MLXIPL: variants seen among roughly 807,000 people sequenced by gnomAD.
The protein encoded by MLXIPL is MLX interacting protein like.
MLXIPL carries 49 observed loss-of-function variants against 81.5 expected under a neutral mutation model. The ratio of observed to expected loss-of-function variants is 0.60; its 90% confidence interval spans 0.48 to 0.76. MLXIPL has a LOEUF of 0.76. Ranked by LOEUF, MLXIPL falls within the 30% of genes least tolerant of loss-of-function variation. The pLI is 0.00. For missense variants in MLXIPL, 1,053 were observed against 1,167.0 expected (o/e 0.90, Z 1.42); for synonymous variants, 466 against 485.5 (o/e 0.96, Z 0.53).
intron 2 of MLXIPL, among the ~76,000 whole-genome samples, chr7:73,613,244 C>T (rs1795810775): frequency 6.6e-6 from 1 of 152,160 alleles, no homozygotes; most frequent in Non-Finnish European, 1.5e-5. Context: ...GTGTCACGTG[C>T]TGCTATGACT....
At chr7:73,629,328 C>A (rs541717472), upstream of MLXIPL, among the ~76,000 whole-genome samples, 1 of 152,180 alleles carries the variant, frequency 6.6e-6, no homozygotes, top group Non-Finnish European at 1.5e-5. Flanking sequence ...GAGTGAGGCA[C>A]CGTGCCTGGC....
At position 73,624,257 on chromosome 7, in the gene MLXIPL, G is replaced by A; in HGVS notation, c.236C>T (p.Pro79Leu). The A allele has an allele frequency of 1.3e-6, 2 of 1,595,776 alleles. No homozygotes were observed. The highest frequency in any genetic ancestry group is 2.3e-5 in the East Asian group (1 of 44,008). ...EGSVGPSDFG[P>L]RSIDPTLTRL... ...TGTGAGTGTGGGGTCGATACTGCGC[G>A]GCCCGAAGTCGGAGGGCCCCACGGA... is the stretch of plus-strand genomic sequence containing the variant. Residue 79 changes from proline to leucine, a missense_variant, in exon 1 of 17, where the codon CCG becomes CTG. Pro to Leu is a moderately conservative substitution (Grantham distance 98, BLOSUM62 -3). This residue lies in a region of MLXIPL where 226 missense variants were observed against 216.2 expected (regional missense o/e 1.05). Coordinates refer to ENST00000313375, the MANE Select transcript of MLXIPL (RefSeq NM_032951.3).
chr7:73,643,973 T>C, the MLXIPL span, among the ~76,000 whole-genome samples: 1 of 152,018 alleles, frequency 6.6e-6, no homozygotes, highest in Non-Finnish European at 1.5e-5. Context: ...TCTCACTATG[T>C]TGCCCAGGCT....
intron 8 of MLXIPL, among the ~76,000 whole-genome samples, chr7:73,598,738 C>A (rs1224404278): frequency 6.6e-6 from 1 of 152,018 alleles, no homozygotes; most frequent in Non-Finnish European, 1.5e-5. Flanking sequence ...GGAGAGACAC[C>A]CCTCAGCAAC....
At chr7:73,595,376 C>T (rs531758457) in intron 15 of MLXIPL, among the ~76,000 whole-genome samples, 1 of 152,282 alleles carries the variant, frequency 6.6e-6, no homozygotes, top group Non-Finnish European at 1.5e-5. Context: ...CTCGGGGCTT[C>T]CTGAGGTCAG....
chr7:73,597,759 T>C, intron 8 of MLXIPL, 46 bp from the exon 9 acceptor site: 1 of 1,294,728 alleles, frequency 7.7e-7, no homozygotes, highest in Non-Finnish European at 9.8e-7. Flanking sequence ...GGGAGAGAGC[T>C]GCCCCTGGCA....
At chr7:73,597,094 C>T in intron 9 of MLXIPL, 88 bp downstream of exon 9, 8 of 1,479,750 alleles carry the variant, frequency 5.4e-6, no homozygotes, top group Non-Finnish European at 6.4e-6. Flanking sequence ...TGCCCCTTCA[C>T]CTTCATCTTC....
the MLXIPL span, among the ~76,000 whole-genome samples, chr7:73,637,838 C>T: frequency 3.3e-5 from 5 of 152,140 alleles, no homozygotes; most frequent in Non-Finnish European, 5.9e-5. Flanking sequence ...GGTGAGAGGT[C>T]GGGTCCGGGG....
chr7:73,595,345 T>C (rs1431349774), intron 15 of MLXIPL, among the ~76,000 whole-genome samples: 1 of 151,842 alleles, frequency 6.6e-6, no homozygotes, highest in African/African-American at 2.4e-5. Flanking sequence ...CACTCCAGAG[T>C]TCAGATTCTC....
At chr7:73,607,129 A>T (rs1399657671) in intron 4 of MLXIPL, 111 bp from the exon 5 acceptor site, 2 of 1,433,546 alleles carry the variant, frequency 1.4e-6, no homozygotes, top group Admixed American at 2.0e-5. Context: ...TCCCATCAGG[A>T]GCTCACCCGA....
chr7:73,595,988 G>C lies in MLXIPL; in HGVS notation c.2059-19C>G, dbSNP rs374433424. On this transcript the variant is annotated intron_variant, in intron 13 of 16. Transcript: ENST00000313375. ...TGCTCACCTGCAGACGCCACCAGGG[G>C]GGCTCAGGCAGGTGCTAGAGGCTGT... 1 of 1,611,838 alleles carries C rather than the reference G, an allele frequency of 6.2e-7. No individual in the cohort carries two copies. Among genetic ancestry groups the C allele is most frequent in the African/African-American group, 1.3e-5 (1 of 75,024 alleles).
the MLXIPL span, among the ~76,000 whole-genome samples, chr7:73,634,887 C>T: frequency 2.7e-5 from 4 of 150,728 alleles, no homozygotes; most frequent in East Asian, 5.8e-4. Flanking sequence ...GGGATCTTGG[C>T]TCACTGCAAC....
At chr7:73,605,239 A>C (rs1554597533) in intron 7 of MLXIPL, among the ~76,000 whole-genome samples, 1 of 151,964 alleles carries the variant, frequency 6.6e-6, no homozygotes, top group African/African-American at 2.4e-5. Context: ...AGCTGGACAA[A>C]AGGAGACCAG....
the MLXIPL span, among the ~76,000 whole-genome samples, chr7:73,646,303 G>GCTTCCAGTCCACT: frequency 6.6e-6 from 1 of 152,076 alleles, no homozygotes; most frequent in Non-Finnish European, 1.5e-5. Context: ...CCACTTCCAC[G>GCTTCCAGTCCACT]CTTCCAGTCC....
chr7:73,631,176 T>C, the MLXIPL span, among the ~76,000 whole-genome samples: 1 of 151,698 alleles, frequency 6.6e-6, no homozygotes, highest in African/African-American at 2.4e-5. Context: ...GCCCAGCTAA[T>C]TTTTTTTGTA....
Position 73,600,114 on chromosome 7 carries a change from T to C in MLXIPL, c.902-419A>G, listed in dbSNP as rs1197277883. ...GGGTACGGTGCTAGGGGAGGAGGCC[T>C]GGCATGGGAGGGGCCCCAGGGTGGC... On this transcript the variant is annotated intron_variant, in intron 7 of 16. Coordinates refer to ENST00000313375, the MANE Select transcript of MLXIPL (RefSeq NM_032951.3). Among the ~76,000 whole-genome samples, 3 of 151,302 alleles carry C rather than the reference T, an allele frequency of 2.0e-5. No individual in the cohort carries two copies. In the East Asian group the frequency reaches 6.0e-4, roughly 30 times the overall value.
chr7:73,629,230 C>A (rs548173530), upstream of MLXIPL, among the ~76,000 whole-genome samples: 1 of 151,916 alleles, frequency 6.6e-6, no homozygotes, highest in African/African-American at 2.4e-5. Context: ...TTTGTAGAGA[C>A]GGGGTTTCAC....
At chr7:73,607,759 G>T in intron 2 of MLXIPL, 87 bp from the exon 3 acceptor site, 2 of 1,182,494 alleles carry the variant, frequency 1.7e-6, no homozygotes, top group Non-Finnish European at 2.5e-6. Flanking sequence ...GACACCCTGC[G>T]AAATCCTGCT....
intron 1 of MLXIPL, among the ~76,000 whole-genome samples, chr7:73,621,712 TCCA>T: frequency 2.4e-5 from 1 of 42,142 alleles, no homozygotes; most frequent in East Asian, 7.3e-4. Flanking sequence ...CCTCCCTCCC[TCCA>T]TCTCTCTCCA....
Sources: allele counts gnomAD v4.1 joint callset (sites outside exome capture counted in the v4.1 genomes callset), GRCh38; gene constraint gnomAD v4.1.1; regional missense constraint gnomAD v4.1.1; transcripts MANE v1.5; gene names NCBI Gene and HGNC (gene_info 2026-07-23, HGNC 2026-07-21).